Variants in ZC3H12B observed in about 807,000 individuals in gnomAD.
ZC3H12B encodes the protein zinc finger CCCH-type containing 12B, also known as probable ribonuclease ZC3H12B.
Under a neutral mutation model 43.9 loss-of-function variants are expected in ZC3H12B, and 7 were observed. That is an observed-to-expected ratio of 0.16 (90% confidence interval 0.09 to 0.30). The LOEUF is 0.30. ZC3H12B is among the 10% of genes least tolerant of loss of function. ZC3H12B has a pLI of 1.00. For synonymous variants in ZC3H12B, 222 were observed against 241.7 expected (o/e 0.92, Z 0.76); for missense variants, 475 against 670.2 (o/e 0.71, Z 3.22).
At chrX:65,152,142 A>C in the ZC3H12B span, among the ~76,000 whole-genome samples, 16 of 111,484 alleles carry the variant, frequency 1.4e-4, no homozygotes, top group African/African-American at 5.2e-4. Context: ...ATGGGCAAAA[A>C]CTGGAAGCAT....
the ZC3H12B span, among the ~76,000 whole-genome samples, chrX:65,307,494 T>A: frequency 9.0e-6 from 1 of 111,720 alleles, no homozygotes; most frequent in Non-Finnish European, 1.9e-5. Flanking sequence ...AAATACAATG[T>A]GAGAAATCAA....
chrX:65,117,835 T>C, the ZC3H12B span, among the ~76,000 whole-genome samples: 2 of 112,116 alleles, frequency 1.8e-5, no homozygotes, highest in South Asian at 3.7e-4. Flanking sequence ...TCCCCATTGC[T>C]TGTTTTTCTC....
the ZC3H12B span, among the ~76,000 whole-genome samples, chrX:65,152,133 T>A: frequency 3.6e-5 from 4 of 111,570 alleles, no homozygotes; most frequent in East Asian, 8.4e-4. Flanking sequence ...TCATACTGAA[T>A]GGGCAAAAAC....
the ZC3H12B span, among the ~76,000 whole-genome samples, chrX:65,171,904 G>T: frequency 7.2e-5 from 8 of 111,286 alleles, no homozygotes; most frequent in South Asian, 3.1e-3. Flanking sequence ...CACAGTATTA[G>T]GGTGGGAATA....
intron 2 of ZC3H12B, among the ~76,000 whole-genome samples, chrX:65,382,131 C>T (rs960110369): frequency 2.1e-4 from 23 of 111,194 alleles, no homozygotes; most frequent in African/African-American, 4.6e-4. Flanking sequence ...ATACCAAAGC[C>T]GGGCAGAGAC....
At chrX:65,276,496 A>G in the ZC3H12B span, among the ~76,000 whole-genome samples, 1 of 111,728 alleles carries the variant, frequency 9.0e-6, no homozygotes, top group African/African-American at 3.3e-5. Context: ...CTAACAGTGG[A>G]TTTCTCATCA....
chrX:65,498,973 T>C, intron 2 of ZC3H12B, 26 bp from the exon 8 acceptor site: 1 of 1,109,888 alleles, frequency 9.0e-7, no homozygotes, highest in Admixed American at 2.2e-5. Context: ...ATTTCTGCTC[T>C]GTGGCATATA....
At chrX:65,372,549 A>T (rs779532272) in intron 2 of ZC3H12B, among the ~76,000 whole-genome samples, 1 of 83,874 alleles carries the variant, frequency 1.2e-5, no homozygotes, top group South Asian at 6.0e-4. Flanking sequence ...AGGAAGGAAA[A>T]CATGTCAATT....
At chrX:65,468,085 AG>A (rs1282277013) in intron 3 of ZC3H12B, among the ~76,000 whole-genome samples, 1 of 112,008 alleles carries the variant, frequency 8.9e-6, no homozygotes, top group Admixed American at 9.5e-5. Context: ...TTATGTTGTC[AG>A]GTCTTAGATT....
At chrX:65,359,837 C>T in the ZC3H12B span, among the ~76,000 whole-genome samples, 1 of 112,024 alleles carries the variant, frequency 8.9e-6, no homozygotes, top group South Asian at 3.7e-4. Flanking sequence ...GAAAGAAGTA[C>T]TGCTGTGGAT....
chrX:65,472,825 GATATAT>G lies in ZC3H12B; in HGVS notation n.408-15792_408-15787del, dbSNP rs58372328. ...ATACTGTTTTGATTACCATACCTTT[GATATAT>G]ATATATATATATATATATATATATA... On this transcript the variant is annotated intron_variant and non_coding_transcript_variant, in intron 3 of 5. Transcript: ENST00000617377. Among the ~76,000 whole-genome samples the G allele has an allele frequency of 9.7e-3, 307 of 31,558 alleles. 2 individuals carry two copies. The highest frequency in any genetic ancestry group is 0.04 in the African/African-American group (185 of 4,662). 27.4% of individuals were successfully genotyped at this position (31,558 alleles called of 115,157 possible). A position where few individuals can be genotyped will look rare whatever the true frequency, so the allele number is the denominator to read the frequency against.
the ZC3H12B span, among the ~76,000 whole-genome samples, chrX:65,054,746 A>G: frequency 9.0e-6 from 1 of 110,878 alleles, no homozygotes; most frequent in Non-Finnish European, 1.9e-5. Context: ...ATTTTTTTGT[A>G]TCCTCTTTTA....
intron 2 of ZC3H12B, 25 bp from the exon 8 acceptor site, chrX:65,498,974 G>A (rs1170957035): frequency 9.0e-7 from 1 of 1,111,494 alleles, no homozygotes; most frequent in African/African-American, 1.8e-5. Flanking sequence ...TTTCTGCTCT[G>A]TGGCATATAA....
At chrX:65,444,188 G>C (rs1173182024) in intron 3 of ZC3H12B, among the ~76,000 whole-genome samples, 2 of 111,847 alleles carry the variant, frequency 1.8e-5, no homozygotes, top group African/African-American at 3.3e-5. Flanking sequence ...ATTTATTTGA[G>C]ACTGCCATGA....
chrX:65,051,739 C>T, the ZC3H12B span, among the ~76,000 whole-genome samples: 6 of 110,738 alleles, frequency 5.4e-5, no homozygotes, highest in African/African-American at 2.0e-4. Context: ...AGGGAAAAAA[C>T]TTCTCAAACC....
chrX:65,320,422 C>T, the ZC3H12B span, among the ~76,000 whole-genome samples: 2 of 111,797 alleles, frequency 1.8e-5, no homozygotes, highest in Admixed American at 9.5e-5. Flanking sequence ...GAGACACATT[C>T]CATGCTCATG....
the ZC3H12B span, among the ~76,000 whole-genome samples, chrX:65,209,797 G>A: frequency 9.9e-6 from 1 of 101,322 alleles, no homozygotes; most frequent in Non-Finnish European, 2.0e-5. Context: ...TGACAAACCT[G>A]AGAAAAACAA....
the ZC3H12B span, among the ~76,000 whole-genome samples, chrX:65,125,978 A>T: frequency 9.2e-6 from 1 of 108,791 alleles, no homozygotes; most frequent in Admixed American, 9.8e-5. Context: ...CAAAGTTAGT[A>T]TTGAGATATG....
chrX:65,280,961 C>G, the ZC3H12B span, among the ~76,000 whole-genome samples: 1 of 111,778 alleles, frequency 8.9e-6, no homozygotes, highest in Non-Finnish European at 1.9e-5. Context: ...CAACCCAAAG[C>G]AATCTACAGA....
Sources: gnomAD v4.1 joint callset for allele counts (sites outside exome capture counted in the v4.1 genomes callset) on GRCh38, gnomAD v4.1.1 for gene constraint, MANE v1.5 for transcripts, NCBI Gene and HGNC (gene_info 2026-07-23, HGNC 2026-07-21) for gene names.